The following ADARB2 variants were observed in gnomAD, a reference collection of about 807,000 sequenced individuals.
ADARB2 encodes the protein adenosine deaminase RNA specific B2 (inactive), also known as inactive double-stranded RNA-specific editase B2.
In ADARB2, 25 loss-of-function variants were observed where a neutral mutation model predicts 62.2. The observed-to-expected ratio is 0.40, with a 90% CI of 0.29 to 0.56. ADARB2 has a LOEUF of 0.56. Among genes scored for constraint, ADARB2 ranks in the 20% least tolerant of loss-of-function variants. The pLI, the probability that ADARB2 is intolerant of heterozygous loss-of-function variation, is 0.43. For missense variants in ADARB2, 1,071 were observed against 1,077.4 expected, an observed-to-expected ratio of 0.99 and a Z score of 0.08; for synonymous variants, 572 against 500.8, an observed-to-expected ratio of 1.14 and a Z score of -1.90.
intron 1 of ADARB2, among the ~76,000 whole-genome samples, chr10:1,503,346 C>A (rs1421058400): frequency 7.0e-6 from 1 of 143,774 alleles, no homozygotes; most frequent in African/African-American, 2.5e-5. Flanking sequence ...GCCACCATAC[C>A]CAGCTATTTT....
chr10:1,621,382 A>T (rs1833702387), intron 1 of ADARB2, among the ~76,000 whole-genome samples: 1 of 152,130 alleles, frequency 6.6e-6, no homozygotes, highest in Non-Finnish European at 1.5e-5. Flanking sequence ...AAAAATAAAT[A>T]ACTAGGAATA....
intron 1 of ADARB2, among the ~76,000 whole-genome samples, chr10:1,723,268 G>A (rs934425991): frequency 6.6e-6 from 1 of 152,188 alleles, no homozygotes; most frequent in Non-Finnish European, 1.5e-5. Flanking sequence ...GCTCTACATT[G>A]CCCAGAGAAC....
chr10:1,407,014 C>T (rs1286175467), intron 1 of ADARB2, among the ~76,000 whole-genome samples: 3 of 152,234 alleles, frequency 2.0e-5, no homozygotes, highest in Non-Finnish European at 4.4e-5. Flanking sequence ...GGATGCGTCT[C>T]CTCCTTTGGC....
chr10:1,428,253 G>T (rs924600435), intron 1 of ADARB2, among the ~76,000 whole-genome samples: 1 of 149,702 alleles, frequency 6.7e-6, no homozygotes, highest in Non-Finnish European at 1.5e-5. Flanking sequence ...GATTATAGGA[G>T]TGAGCCACCA....
At chr10:1,727,106 A>T (rs187935274) in intron 1 of ADARB2, among the ~76,000 whole-genome samples, 15 of 152,356 alleles carry the variant, frequency 9.8e-5, no homozygotes, top group South Asian at 6.2e-4. Context: ...AATAAACCCG[A>T]CAGGGCGCTT....
rs1834871002 is a variant in ADARB2, at chr10:1,704,999, A to G, written c.100+32052T>C. Among the ~76,000 whole-genome samples the G allele has an allele frequency of 2.0e-5, 3 of 152,368 alleles. No individual in the cohort carries two copies. The South Asian group carries it at 6.2e-4, about 32-fold the overall frequency. On this transcript the variant is annotated intron_variant, in intron 1 of 9. Coordinates refer to ENST00000381312, the MANE Select transcript of ADARB2 (RefSeq NM_018702.4). This position sits in a 1 kb window ranked among gnomAD's most constrained non-coding sequence, Gnocchi z 5.6. ...ACAGACCCACAGGCAAAGCCCTGGG[A>G]GAAGTCCTTTCAAAGCTTTTCAATA...
At chr10:1,537,513 G>A (rs193020417) in intron 1 of ADARB2, among the ~76,000 whole-genome samples, 1 of 152,304 alleles carries the variant, frequency 6.6e-6, no homozygotes, top group African/African-American at 2.4e-5. Context: ...ACATGCACAC[G>A]TATGTTTATT....
At chr10:1,669,045 G>A (rs1834347666) in intron 1 of ADARB2, among the ~76,000 whole-genome samples, 1 of 152,212 alleles carries the variant, frequency 6.6e-6, no homozygotes, top group Non-Finnish European at 1.5e-5. Flanking sequence ...GGACAACACT[G>A]GGGAATTACA....
intron 4 of ADARB2, among the ~76,000 whole-genome samples, chr10:1,267,159 C>T (rs893434901): frequency 2.0e-5 from 3 of 151,536 alleles, no homozygotes; most frequent in South Asian, 2.1e-4. Context: ...AAAACCTTTC[C>T]CCCTCCCGGG....
chr10:1,653,374 T>A (rs374371242), intron 1 of ADARB2, among the ~76,000 whole-genome samples: 81 of 152,278 alleles, frequency 5.3e-4, no homozygotes, highest in African/African-American at 1.7e-3. Context: ...AGGGTGTTGA[T>A]GACAGTCCAG....
chr10:1,349,064 C>CA (rs1832109437), intron 3 of ADARB2, among the ~76,000 whole-genome samples: 1 of 152,184 alleles, frequency 6.6e-6, no homozygotes, highest in Non-Finnish European at 1.5e-5. Flanking sequence ...CTGTGACCTG[C>CA]AGGTACACAT....
intron 3 of ADARB2, among the ~76,000 whole-genome samples, chr10:1,360,606 C>T (rs1267475735): frequency 6.6e-6 from 1 of 152,144 alleles, no homozygotes; most frequent in Non-Finnish European, 1.5e-5. Context: ...GGTTCCTGGC[C>T]CTGAGTCCCA....
chr10:1,718,691 A>AG (rs939379504), intron 1 of ADARB2, among the ~76,000 whole-genome samples: 32 of 152,206 alleles, frequency 2.1e-4, no homozygotes, highest in East Asian at 7.8e-4. Flanking sequence ...TGCTTTACCT[A>AG]GGGGGGCAGC....
At chr10:1,725,375 A>G (rs1453459607) in intron 1 of ADARB2, among the ~76,000 whole-genome samples, 10 of 152,226 alleles carry the variant, frequency 6.6e-5, no homozygotes. Context: ...ACATGAGCCC[A>G]GACTAGAATG....
At chr10:1,360,239 C>T (rs1183498089) in intron 3 of ADARB2, among the ~76,000 whole-genome samples, 2 of 152,368 alleles carry the variant, frequency 1.3e-5, no homozygotes, top group South Asian at 2.1e-4. Flanking sequence ...TCCGGGAGGG[C>T]GGCCTTTCCC....
chr10:1,456,021 T>C (rs1314586594), intron 1 of ADARB2, among the ~76,000 whole-genome samples: 1 of 152,210 alleles, frequency 6.6e-6, no homozygotes, highest in Non-Finnish European at 1.5e-5. Context: ...AATAGCACAT[T>C]CAGAATAGAT....
At chr10:1,471,403 T>A (rs1831320441) in intron 1 of ADARB2, among the ~76,000 whole-genome samples, 1 of 152,126 alleles carries the variant, frequency 6.6e-6, no homozygotes, top group Non-Finnish European at 1.5e-5. Flanking sequence ...AATTTTTTTT[T>A]TTTTGAGATG....
At chr10:1,649,362 TC>T (rs993089540) in intron 1 of ADARB2, among the ~76,000 whole-genome samples, 1 of 152,202 alleles carries the variant, frequency 6.6e-6, no homozygotes, top group Non-Finnish European at 1.5e-5. Flanking sequence ...CATCGAGTAT[TC>T]CCCAATTTTC....
intron 4 of ADARB2, among the ~76,000 whole-genome samples, chr10:1,254,872 C>G (rs534159521): frequency 6.6e-6 from 1 of 152,224 alleles, no homozygotes; most frequent in Admixed American, 6.5e-5. Flanking sequence ...ATGCCATGGT[C>G]CCCATTTGCT....
Sources: allele counts gnomAD v4.1 joint callset (sites outside exome capture counted in the v4.1 genomes callset), GRCh38; gene constraint gnomAD v4.1.1; non-coding constraint Gnocchi (gnomAD v3.1); transcripts MANE v1.5; gene names NCBI Gene and HGNC (gene_info 2026-07-23, HGNC 2026-07-21).